SMAD1: variants seen among roughly 807,000 people sequenced by gnomAD.
SMAD1 encodes the protein SMAD family member 1.
In SMAD1, 6 loss-of-function variants were observed where a neutral mutation model predicts 41.6. The ratio of observed to expected loss-of-function variants is 0.14; its 90% CI spans 0.08 to 0.28. The LOEUF is 0.28. SMAD1 is among the 10% of genes least tolerant of loss of function. SMAD1 has a pLI of 1.00. For missense variants in SMAD1, 379 were observed against 582.6 expected (o/e 0.65, Z 3.60); for synonymous variants, 206 against 203.2 (o/e 1.01, Z -0.12).
intron 1 of SMAD1, among the ~76,000 whole-genome samples, chr4:145,506,439 A>G (rs148800417): frequency 4.6e-5 from 7 of 152,188 alleles, no homozygotes; most frequent in Admixed American, 6.5e-5. Context: ...CACTTTTTGT[A>G]GCCTGTATTT....
At chr4:145,503,299 C>G (rs1729571107) in intron 1 of SMAD1, among the ~76,000 whole-genome samples, 1 of 151,998 alleles carries the variant, frequency 6.6e-6, no homozygotes, top group African/African-American at 2.4e-5. Context: ...CTCTGTGGGT[C>G]TCCGTATGGC....
intron 2 of SMAD1, among the ~76,000 whole-genome samples, chr4:145,523,923 G>A (rs1301578782): frequency 6.6e-6 from 1 of 152,026 alleles, no homozygotes; most frequent in South Asian, 2.1e-4. Flanking sequence ...TTTTTGAGAC[G>A]AGATCTGGCC....
chr4:145,511,726 A>G (rs1394095964), intron 1 of SMAD1, among the ~76,000 whole-genome samples: 1 of 152,300 alleles, frequency 6.6e-6, no homozygotes, highest in Middle Eastern at 3.4e-3. Flanking sequence ...TGCTAACTTC[A>G]TATATCTCTT....
At chr4:145,553,690 C>G in intron 5 of SMAD1, 94 bp from the exon 6 acceptor site, 2 of 1,139,934 alleles carry the variant, frequency 1.8e-6, no homozygotes, top group South Asian at 2.8e-5. Context: ...AGTTTAAATC[C>G]ATGTATATTT....
intron 1 of SMAD1, among the ~76,000 whole-genome samples, chr4:145,488,767 G>A (rs1223569147): frequency 1.3e-5 from 2 of 152,146 alleles, no homozygotes; most frequent in African/African-American, 4.8e-5. Context: ...ATTGTAATAA[G>A]TATATGCTTC....
chr4:145,505,879 C>T lies in SMAD1; in HGVS notation c.-176-8559C>T, dbSNP rs139479342. On this transcript the variant is annotated intron_variant, in intron 1 of 6. Coordinates refer to ENST00000302085, the MANE Select transcript of SMAD1 (RefSeq NM_005900.3). ...TTTTTTTTTGAGGCGGAGTCTCAAT[C>T]TGTCACCCAGGCTGGAGTGCAATGG... Among the ~76,000 whole-genome samples, 697 of 151,426 alleles carry T rather than the reference C, an allele frequency of 4.6e-3. 1 individual carries two copies. The highest frequency in any genetic ancestry group is 0.016 in the African/African-American group (668 of 41,268).
At chr4:145,524,569 A>G (rs563071647) in intron 2 of SMAD1, among the ~76,000 whole-genome samples, 170 of 152,342 alleles carry the variant, frequency 1.1e-3, no homozygotes, top group South Asian at 1.7e-3. Flanking sequence ...ACAGTAGTCT[A>G]TAGATCATAC....
chr4:145,515,092 C>T, intron 2 of SMAD1, 79 bp downstream of exon 2: 2 of 1,373,232 alleles, frequency 1.5e-6, no homozygotes, highest in Non-Finnish European at 2.0e-6. Context: ...AAAATAATCC[C>T]TTTGCTTGTT....
intron 1 of SMAD1, among the ~76,000 whole-genome samples, chr4:145,485,880 ATTG>A (rs1364864241): frequency 6.6e-6 from 1 of 152,210 alleles, no homozygotes; most frequent in Non-Finnish European, 1.5e-5. Context: ...CATAAGTACT[ATTG>A]TTGTCACATT....
At chr4:145,483,825 C>A (rs1168225091) in intron 1 of SMAD1, among the ~76,000 whole-genome samples, 2 of 152,106 alleles carry the variant, frequency 1.3e-5, no homozygotes, top group Non-Finnish European at 2.9e-5. Context: ...TTAGTTTTGA[C>A]CCCTACAACC....
At chr4:145,488,823 G>A (rs1183079513) in intron 1 of SMAD1, among the ~76,000 whole-genome samples, 1 of 152,120 alleles carries the variant, frequency 6.6e-6, no homozygotes, top group African/African-American at 2.4e-5. Context: ...AATAATTAGA[G>A]TATACACAAA....
chr4:145,546,440 T>A (rs1732256780), intron 4 of SMAD1: 1 of 460,458 alleles, frequency 2.2e-6, no homozygotes, highest in African/African-American at 1.9e-5. Context: ...AAGTTTTTGC[T>A]GTGCTTCCTT....
intron 2 of SMAD1, among the ~76,000 whole-genome samples, chr4:145,526,830 T>C (rs977520073): frequency 1.3e-5 from 2 of 152,162 alleles, no homozygotes; most frequent in Non-Finnish European, 2.9e-5. Flanking sequence ...GAATCTAGGG[T>C]TAGAAGGGCT....
intron 2 of SMAD1, among the ~76,000 whole-genome samples, chr4:145,527,481 C>T (rs971322281): frequency 1.3e-5 from 2 of 152,112 alleles, no homozygotes; most frequent in Non-Finnish European, 2.9e-5. Flanking sequence ...CCTCGGCCTC[C>T]CAAAGTGCTG....
chr4:145,548,366 G>C (rs1232384216), intron 5 of SMAD1, among the ~76,000 whole-genome samples: 2 of 151,974 alleles, frequency 1.3e-5, no homozygotes, highest in African/African-American at 2.4e-5. Flanking sequence ...GTAGCTGGGA[G>C]GTTACAGGTG....
intron 1 of SMAD1, among the ~76,000 whole-genome samples, chr4:145,491,345 C>T (rs1728756766): frequency 6.6e-6 from 1 of 152,144 alleles, no homozygotes; most frequent in African/African-American, 2.4e-5. Flanking sequence ...GCAAAAGGAT[C>T]ACTTAAACCC....
intron 2 of SMAD1, among the ~76,000 whole-genome samples, chr4:145,532,740 A>G (rs529413203): frequency 1.3e-5 from 2 of 152,258 alleles, no homozygotes; most frequent in Non-Finnish European, 2.9e-5. Context: ...ACGTTCCCAT[A>G]TTTGTTTTCC....
At chr4:145,487,552 C>G (rs898914874) in intron 1 of SMAD1, among the ~76,000 whole-genome samples, 3 of 152,068 alleles carry the variant, frequency 2.0e-5, no homozygotes. Flanking sequence ...TCTGGTAGTA[C>G]AAATATTCAG....
chr4:145,541,980 T>G (rs2126518963), intron 3 of SMAD1, among the ~76,000 whole-genome samples: 1 of 152,382 alleles, frequency 6.6e-6, no homozygotes, highest in South Asian at 2.1e-4. Context: ...AGGAGATAGC[T>G]GTGATAAACT....
Sources: gnomAD v4.1 joint callset for allele counts (sites outside exome capture counted in the v4.1 genomes callset) on GRCh38, gnomAD v4.1.1 for gene constraint, MANE v1.5 for transcripts, NCBI Gene and HGNC (gene_info 2026-07-23, HGNC 2026-07-21) for gene names.